Variants in DCDC1 observed in about 807,000 individuals in gnomAD.
DCDC1 encodes the protein doublecortin domain-containing protein 1.
Under a neutral mutation model 178.3 loss-of-function variants are expected in DCDC1, and 200 were observed. The observed-to-expected ratio is 1.12, with a 90% CI of 1.00 to 1.26. DCDC1 has a LOEUF of 1.26. Among genes scored for constraint, DCDC1 ranks in the 50% most tolerant of loss-of-function variants. The pLI, the probability that DCDC1 is intolerant of heterozygous loss-of-function variation, is 0.00. For missense variants in DCDC1, 1,983 were observed against 1,749.2 expected (o/e 1.13, Z -2.38); for synonymous variants, 690 against 604.8 (o/e 1.14, Z -2.07).
intron 21 of DCDC1, among the ~76,000 whole-genome samples, chr11:30,947,966 A>AC (rs1165478177): frequency 6.6e-6 from 1 of 152,008 alleles, no homozygotes; most frequent in Non-Finnish European, 1.5e-5. Context: ...CTCTCTCACC[A>AC]CTCCTATTCA....
intron 23 of DCDC1, 105 bp from the exon 24 acceptor site, chr11:30,922,743 A>AT: frequency 1.5e-5 from 16 of 1,099,450 alleles, no homozygotes; most frequent in Non-Finnish European, 1.9e-5. Flanking sequence ...TCCTATTAAT[A>AT]TAATAGGTGA....
At chr11:30,990,078 C>G (rs145117735) in intron 20 of DCDC1, among the ~76,000 whole-genome samples, 2 of 152,154 alleles carry the variant, frequency 1.3e-5, no homozygotes, top group East Asian at 1.9e-4. Context: ...GGGAAGAAGA[C>G]GCTTTTTCAA....
intron 9 of DCDC1, among the ~76,000 whole-genome samples, chr11:31,203,454 C>T (rs1175705815): frequency 6.6e-6 from 1 of 152,160 alleles, no homozygotes; most frequent in African/African-American, 2.4e-5. Context: ...TGGTTACAGA[C>T]TGAGACACCT....
intron 7 of DCDC1, among the ~76,000 whole-genome samples, chr11:31,288,599 T>A (rs896120637): frequency 6.6e-6 from 1 of 151,922 alleles, no homozygotes; most frequent in Middle Eastern, 3.2e-3. Context: ...TCTCTTCTTA[T>A]CTCATTGCAA....
intron 8 of DCDC1, among the ~76,000 whole-genome samples, chr11:31,243,903 T>C (rs1432549556): frequency 6.6e-6 from 1 of 151,712 alleles, no homozygotes; most frequent in Non-Finnish European, 1.5e-5. Context: ...GGGTCCTCAT[T>C]ATAACCACCA....
At chr11:31,137,408 C>T (rs528575538) in intron 10 of DCDC1, among the ~76,000 whole-genome samples, 2 of 143,756 alleles carry the variant, frequency 1.4e-5, no homozygotes, top group African/African-American at 2.6e-5. Flanking sequence ...GGAGTGCAGT[C>T]GCGCAATCTC....
intron 11 of DCDC1, among the ~76,000 whole-genome samples, chr11:31,121,561 T>C (rs1336773517): frequency 6.6e-6 from 1 of 151,194 alleles, no homozygotes; most frequent in Non-Finnish European, 1.5e-5. Flanking sequence ...AAAGCTGCTG[T>C]TGTTCACTGA....
chr11:31,019,215 C>T (rs1227278226), intron 20 of DCDC1, among the ~76,000 whole-genome samples: 1 of 152,008 alleles, frequency 6.6e-6, no homozygotes, highest in Admixed American at 6.6e-5. Flanking sequence ...GTAGGTATAA[C>T]AGCTCAGATA....
At position 31,307,983 on chromosome 11, in the gene DCDC1, G is replaced by A. The variant is rs114603174; in HGVS notation, c.165-75C>T. The A allele has an allele frequency of 3.2e-4, 509 of 1,570,066 alleles. 1 individual carries two copies. In the African/African-American group the frequency reaches 5.4e-3, roughly 17 times the overall value. ...TTATTAACAAATACCATATAATAAC[G>A]AGTTGTGTGCTATGTGCTACACAAA... On this transcript the variant is annotated intron_variant, in intron 3 of 38. Coordinates refer to ENST00000684477, the MANE Select transcript of DCDC1 (RefSeq NM_001387274.1).
At chr11:31,180,236 T>A (rs1968606531) in intron 9 of DCDC1, among the ~76,000 whole-genome samples, 1 of 152,174 alleles carries the variant, frequency 6.6e-6, no homozygotes, top group South Asian at 2.1e-4. Context: ...AGTAGGTAAC[T>A]ATGGCTAACA....
chr11:31,075,126 C>T (rs926315515), intron 18 of DCDC1, among the ~76,000 whole-genome samples: 2 of 152,134 alleles, frequency 1.3e-5, no homozygotes, highest in African/African-American at 2.4e-5. Flanking sequence ...TAGCTTCCAC[C>T]TATAAGTGAG....
intron 9 of DCDC1, among the ~76,000 whole-genome samples, chr11:31,216,500 A>T (rs946568716): frequency 2.0e-5 from 3 of 152,204 alleles, no homozygotes; most frequent in Non-Finnish European, 4.4e-5. Flanking sequence ...TAGAATCCAA[A>T]CTACTTAAGA....
Position 31,064,746 on chromosome 11 carries a change from A to C in DCDC1, c.2434-120T>G. On this transcript the variant is annotated intron_variant, in intron 19 of 38. Coordinates refer to ENST00000684477, the MANE Select transcript of DCDC1 (RefSeq NM_001387274.1). The stretch of plus-strand genomic sequence containing the variant: ...GGTGCCTTCAGTGTTTCTACAACAC[A>C]TAAGTCCTTTGTACGTGGCCAAAAG... The C allele has an allele frequency of 1.8e-5, 11 of 626,532 alleles. No homozygotes were observed. In the South Asian group the frequency reaches 2.2e-4, roughly 12 times the overall value. 38.8% of individuals were successfully genotyped at this position (626,532 alleles called of 1,614,324 possible).
intron 20 of DCDC1, among the ~76,000 whole-genome samples, chr11:31,017,232 T>G (rs898003951): frequency 2.6e-5 from 4 of 152,078 alleles, no homozygotes; most frequent in African/African-American, 9.7e-5. Flanking sequence ...ACATGCAGAT[T>G]TTCTTCCTCC....
At chr11:30,883,509 G>A (rs1453785977) in intron 36 of DCDC1, 3 of 457,752 alleles carry the variant, frequency 6.6e-6, no homozygotes, top group Non-Finnish European at 1.3e-5. Flanking sequence ...TTCAGATAAA[G>A]TAAGCTGACC....
intron 25 of DCDC1, 95 bp downstream of exon 25, chr11:30,920,681 A>C (rs942439775): frequency 2.1e-6 from 3 of 1,448,064 alleles, no homozygotes; most frequent in Non-Finnish European, 2.8e-6. Context: ...CAAACTTGGC[A>C]TGAGCTCCCT....
intron 7 of DCDC1, among the ~76,000 whole-genome samples, chr11:31,266,477 C>T (rs1035661159): frequency 6.6e-6 from 1 of 152,026 alleles, no homozygotes; most frequent in Non-Finnish European, 1.5e-5. Flanking sequence ...AAGTAACTTC[C>T]AAAACATGAA....
At chr11:31,184,624 T>A (rs1969250438) in intron 9 of DCDC1, among the ~76,000 whole-genome samples, 1 of 152,074 alleles carries the variant, frequency 6.6e-6, no homozygotes, top group African/African-American at 2.4e-5. Flanking sequence ...TGAACACACT[T>A]CCCAAAAGAA....
intron 26 of DCDC1, 130 bp from the exon 27 acceptor site, chr11:30,915,841 G>GGTCT: frequency 9.5e-6 from 8 of 838,754 alleles, no homozygotes; most frequent in South Asian, 1.7e-5. Flanking sequence ...TGAAATGATA[G>GGTCT]ACCATATCAT....
Sources: allele counts gnomAD v4.1 joint callset (sites outside exome capture counted in the v4.1 genomes callset), GRCh38; gene constraint gnomAD v4.1.1; transcripts MANE v1.5; gene names NCBI Gene and HGNC (gene_info 2026-07-23, HGNC 2026-07-21).